Variants in CYRIB observed in about 807,000 individuals in gnomAD.
CYRIB encodes CYFIP-related Rac1 interactor B.
In CYRIB, 8 loss-of-function variants were observed where a neutral mutation model predicts 44.2. That is an observed-to-expected ratio of 0.18 (90% confidence interval 0.11 to 0.33). The LOEUF is 0.33. Ranked by LOEUF, CYRIB falls within the 10% of genes least tolerant of loss-of-function variation. CYRIB has a pLI of 1.00. For synonymous variants in CYRIB, 131 were observed against 127.2 expected (o/e 1.03, Z -0.20); for missense variants, 185 against 382.8 (o/e 0.48, Z 4.31).
intron 1 of CYRIB, among the ~76,000 whole-genome samples, chr8:129,927,495 C>T (rs2088552349): frequency 6.6e-6 from 1 of 152,130 alleles, no homozygotes; most frequent in South Asian, 2.1e-4. Flanking sequence ...TTAAAGCTGA[C>T]AATAAATGTA....
At chr8:129,859,802 T>C (rs1314239746) in intron 5 of CYRIB, among the ~76,000 whole-genome samples, 1 of 152,240 alleles carries the variant, frequency 6.6e-6, no homozygotes, top group African/African-American at 2.4e-5. Context: ...TATGTAATCA[T>C]ATCTAAGATC....
upstream of CYRIB, among the ~76,000 whole-genome samples, chr8:129,944,171 A>G (rs1337323029): frequency 1.3e-5 from 2 of 152,184 alleles, no homozygotes; most frequent in Admixed American, 1.3e-4. Flanking sequence ...CACTCTGACC[A>G]CAGGGTCCAA....
intron 1 of CYRIB, among the ~76,000 whole-genome samples, chr8:129,933,115 T>C (rs892420537): frequency 6.6e-6 from 1 of 152,142 alleles, no homozygotes; most frequent in African/African-American, 2.4e-5. Context: ...GTGTAAGTAA[T>C]GATGACCTTG....
chr8:129,926,245 T>C (rs1474722269), intron 1 of CYRIB, among the ~76,000 whole-genome samples: 1 of 152,372 alleles, frequency 6.6e-6, no homozygotes, highest in Non-Finnish European at 1.5e-5. Context: ...TGTCCCTTTA[T>C]GCCACTTAAA....
At chr8:129,843,378 G>C (rs2037682292) in intron 11 of CYRIB, among the ~76,000 whole-genome samples, 1 of 152,162 alleles carries the variant, frequency 6.6e-6, no homozygotes, top group Admixed American at 6.5e-5. Context: ...AGAACAGAAG[G>C]AGCAGCAGGG....
chr8:129,907,163 T>C (rs971175554), intron 1 of CYRIB, among the ~76,000 whole-genome samples: 9 of 152,218 alleles, frequency 5.9e-5, no homozygotes, highest in African/African-American at 2.2e-4. Context: ...ATGTTTATTG[T>C]GGCACTATTC....
At chr8:129,850,099 G>A (rs1184878872) in intron 9 of CYRIB, 15 of 152,316 alleles carry the variant, frequency 9.8e-5, no homozygotes, top group African/African-American at 3.4e-4. Context: ...AGTTGGTGGT[G>A]GGGGGAAGGA....
intron 1 of CYRIB, among the ~76,000 whole-genome samples, chr8:130,008,158 G>A (rs993088790): frequency 1.4e-4 from 22 of 152,078 alleles, no homozygotes; most frequent in African/African-American, 5.3e-4. Flanking sequence ...GCAGTGAGCC[G>A]AGATCGTGCC....
At chr8:130,000,745 A>C (rs4329313) in intron 1 of CYRIB, among the ~76,000 whole-genome samples, 75,689 of 151,830 alleles carry the variant, frequency 0.5, 20,842 homozygotes, top group African/African-American at 0.75. Flanking sequence ...AGCCAGGCAC[A>C]GTGGAGAGAG....
chr8:129,956,578 A>G (rs73398753), intron 2 of CYRIB, among the ~76,000 whole-genome samples: 3,867 of 151,976 alleles, frequency 0.025, 162 homozygotes, highest in African/African-American at 0.089. Context: ...AGTTCCATGA[A>G]TCATGCTCCC....
chr8:129,849,171 A>G (rs186697585), intron 10 of CYRIB, 72 bp downstream of exon 12: 131 of 1,440,356 alleles, frequency 9.1e-5, no homozygotes, highest in Non-Finnish European at 1.5e-5. Flanking sequence ...GCTGGCTCTT[A>G]TCATAAAATA....
At chr8:129,983,423 C>A (rs547029079) in intron 1 of CYRIB, among the ~76,000 whole-genome samples, 80 of 151,938 alleles carry the variant, frequency 5.3e-4, no homozygotes, top group Non-Finnish European at 9.7e-4. Flanking sequence ...CCAGCCAGGG[C>A]GACAGAGCAA....
intron 2 of CYRIB, among the ~76,000 whole-genome samples, chr8:129,893,053 A>C (rs1229592319): frequency 1.3e-5 from 2 of 152,246 alleles, no homozygotes; most frequent in South Asian, 2.1e-4. Context: ...ATGTTTAAAA[A>C]TGTAAAGCCA....
At chr8:129,887,367 C>T (rs972945632) in intron 2 of CYRIB, among the ~76,000 whole-genome samples, 6 of 152,172 alleles carry the variant, frequency 3.9e-5, no homozygotes, top group African/African-American at 1.4e-4. Flanking sequence ...GAGTCTCTGC[C>T]TAGATTTCAG....
intron 1 of CYRIB, among the ~76,000 whole-genome samples, chr8:129,921,564 C>T (rs2083606530): frequency 6.6e-6 from 1 of 152,170 alleles, no homozygotes; most frequent in African/African-American, 2.4e-5. Context: ...CACACCACCA[C>T]ACTCAACTAA....
At chr8:129,874,617 C>T (rs1041265378) in intron 3 of CYRIB, among the ~76,000 whole-genome samples, 1 of 151,996 alleles carries the variant, frequency 6.6e-6, no homozygotes, top group African/African-American at 2.4e-5. Context: ...CCTAGATTTT[C>T]TGTAATACAT....
chr8:129,874,246 T>C (rs545691499), intron 3 of CYRIB, among the ~76,000 whole-genome samples: 1 of 152,184 alleles, frequency 6.6e-6, no homozygotes, highest in South Asian at 2.1e-4. Context: ...TATTCATTAC[T>C]CATCAAGCTT....
At chr8:129,923,711 C>T (rs1298384496) in intron 1 of CYRIB, among the ~76,000 whole-genome samples, 1 of 152,044 alleles carries the variant, frequency 6.6e-6, no homozygotes, top group East Asian at 1.9e-4. Flanking sequence ...ACATTTCTTA[C>T]ATCCTTGATA....
At chr8:129,868,333 C>G (rs1490830918) in intron 4 of CYRIB, among the ~76,000 whole-genome samples, 1 of 152,158 alleles carries the variant, frequency 6.6e-6, no homozygotes, top group African/African-American at 2.4e-5. Flanking sequence ...CGTTTTTTAG[C>G]TTACATATTT....
Sources: gnomAD v4.1 joint callset for allele counts (sites outside exome capture counted in the v4.1 genomes callset) on GRCh38, gnomAD v4.1.1 for gene constraint, MANE v1.5 for transcripts, NCBI Gene and HGNC (gene_info 2026-07-23, HGNC 2026-07-21) for gene names.